Variants in PDS5B observed in about 807,000 individuals in gnomAD.
PDS5B encodes the protein PDS5 cohesin associated factor B.
Under a neutral mutation model 184.1 loss-of-function variants are expected in PDS5B, and 51 were observed. The observed-to-expected ratio is 0.28, with a 90% CI of 0.22 to 0.35. The LOEUF (loss-of-function observed/expected upper bound fraction) is 0.35. Among genes scored for constraint, PDS5B ranks in the 10% least tolerant of loss-of-function variants. PDS5B has a pLI of 1.00. For missense variants in PDS5B, 1,180 were observed against 1,723.3 expected (o/e 0.68, Z 5.58); for synonymous variants, 566 against 569.2 (o/e 0.99, Z 0.08).
At chr13:32,759,030 C>A (rs1287370766) in intron 28 of PDS5B, among the ~76,000 whole-genome samples, 1 of 152,124 alleles carries the variant, frequency 6.6e-6, no homozygotes, top group East Asian at 1.9e-4. Context: ...GACACTAGAA[C>A]ATGCCTAAGA....
chr13:32,657,390 T>TTTC (rs1189433755), intron 3 of PDS5B, among the ~76,000 whole-genome samples: 2 of 152,212 alleles, frequency 1.3e-5, no homozygotes, highest in Non-Finnish European at 2.9e-5. Flanking sequence ...CAACCCCTGC[T>TTTC]TTCTTCTGTT....
chr13:32,601,438 A>G (rs1373624283), intron 1 of PDS5B, among the ~76,000 whole-genome samples: 1 of 152,218 alleles, frequency 6.6e-6, no homozygotes, highest in African/African-American at 2.4e-5. Flanking sequence ...ATTTGATGGA[A>G]AGCTAAGAGC....
intron 13 of PDS5B, among the ~76,000 whole-genome samples, chr13:32,693,503 T>G (rs1402875572): frequency 6.6e-6 from 1 of 151,784 alleles, no homozygotes; most frequent in African/African-American, 2.4e-5. Flanking sequence ...TTTTTGGCAG[T>G]GCTTCATATG....
At chr13:32,645,319 T>C (rs1457790310) in intron 1 of PDS5B, among the ~76,000 whole-genome samples, 3 of 152,208 alleles carry the variant, frequency 2.0e-5, no homozygotes, top group Non-Finnish European at 2.9e-5. Context: ...GTCAGAGTTA[T>C]GCTAATTAGT....
intron 1 of PDS5B, among the ~76,000 whole-genome samples, chr13:32,593,109 AG>A (rs1334304496): frequency 2.0e-5 from 3 of 152,212 alleles, no homozygotes; most frequent in Non-Finnish European, 4.4e-5. Flanking sequence ...AATGTAAATG[AG>A]TAGAGCCATT....
chr13:32,721,799 G>C (rs1020118320), intron 19 of PDS5B, among the ~76,000 whole-genome samples: 9 of 151,684 alleles, frequency 5.9e-5, no homozygotes, highest in African/African-American at 2.2e-4. Context: ...CCAGACAATG[G>C]GCAGCCAGGC....
At chr13:32,760,126 T>G (rs913726184) in intron 29 of PDS5B, among the ~76,000 whole-genome samples, 4 of 152,130 alleles carry the variant, frequency 2.6e-5, no homozygotes, top group African/African-American at 9.7e-5. Context: ...TGGCTAATTT[T>G]TTGTATTTTT....
In PDS5B at chr13:32,775,199, A is replaced by T; in HGVS notation, c.*147A>T. 1 of 673,740 alleles carries T rather than the reference A, an allele frequency of 1.5e-6. No homozygotes were observed. Among genetic ancestry groups the T allele is most frequent in the Non-Finnish European group, 2.5e-6 (1 of 395,826 alleles). 41.7% of individuals were successfully genotyped at this position (673,740 alleles called of 1,614,324 possible). On this transcript the variant is annotated 3_prime_UTR_variant, in exon 35 of 35. Transcript: ENST00000315596. Reference sequence around the variant, plus strand: ...AGTTGGACCTTACTTTGGTGACCCCATACATTTGTGGTCACATGCTTTAGC... The same window carrying T: ...AGTTGGACCTTACTTTGGTGACCCCTTACATTTGTGGTCACATGCTTTAGC...
At chr13:32,745,306 A>G (rs1025793555) in intron 23 of PDS5B, among the ~76,000 whole-genome samples, 2 of 152,238 alleles carry the variant, frequency 1.3e-5, no homozygotes, top group African/African-American at 2.4e-5. Flanking sequence ...CAAAATCCAT[A>G]GTAGAATATG....
chr13:32,692,783 A>G (rs577304973), intron 13 of PDS5B, among the ~76,000 whole-genome samples: 1 of 152,142 alleles, frequency 6.6e-6, no homozygotes, highest in South Asian at 2.1e-4. Flanking sequence ...AATTATTTAT[A>G]AAGGCAATAA....
In PDS5B at chr13:32,648,894, T is replaced by C. The variant is rs771290286; in HGVS notation, c.108+14T>C. Reference sequence around the variant, plus strand: ...AGACGATTAAAGGTGAGTAAAATTCTATTCTTTTTTACATCTGTGTAGGGC... The same window carrying C: ...AGACGATTAAAGGTGAGTAAAATTCCATTCTTTTTTACATCTGTGTAGGGC... On this transcript the variant is annotated intron_variant, in intron 2 of 34. Coordinates refer to ENST00000315596, the MANE Select transcript of PDS5B (RefSeq NM_015032.4). 1 of 1,109,826 alleles carries C rather than the reference T, an allele frequency of 9.0e-7. No individual in the cohort carries two copies. The highest frequency in any genetic ancestry group is 1.2e-5 in the South Asian group (1 of 80,924). 68.7% of individuals were successfully genotyped at this position (1,109,826 alleles called of 1,614,324 possible).
chr13:32,626,491 TTTC>T (rs537634785), intron 1 of PDS5B, among the ~76,000 whole-genome samples: 207 of 152,360 alleles, frequency 1.4e-3, no homozygotes, highest in Non-Finnish European at 2.4e-3. Flanking sequence ...TTGGGAATTT[TTTC>T]TTCTTTAATT....
At chr13:32,763,641 A>G (rs999214594) in intron 30 of PDS5B, 1 of 152,166 alleles carries the variant, frequency 6.6e-6, no homozygotes, top group South Asian at 2.1e-4. Context: ...TTAAGGGTGT[A>G]TCCTGGGCTT....
At chr13:32,659,006 G>A in intron 5 of PDS5B, 148 bp from the exon 6 acceptor site, 1 of 416,074 alleles carries the variant, frequency 2.4e-6, no homozygotes, top group Non-Finnish European at 4.1e-6. Context: ...TGATGTGGGA[G>A]AGAGGGAAGC....
chr13:32,678,916 A>G lies in PDS5B; in HGVS notation c.1044A>G (p.Ala348=). 2 of 1,571,354 alleles carry G rather than the reference A, an allele frequency of 1.3e-6. No homozygotes were observed. Among genetic ancestry groups the G allele is most frequent in the East Asian group, 2.2e-5 (1 of 44,690 alleles). ...SHCLMNHPDL[A]KDLTEYLKVR... is the part of the protein sequence containing the mutation. ...GTCTCATGAACCATCCTGATTTAGC[A>G]AAAGACTTAACAGGTACTATATATA... The change falls in exon 10 of 35, where the codon GCA becomes GCG. Residue 348 remains alanine, a synonymous_variant. Coordinates refer to ENST00000315596, the MANE Select transcript of PDS5B (RefSeq NM_015032.4).
intron 1 of PDS5B, among the ~76,000 whole-genome samples, chr13:32,613,664 A>G (rs1279256884): frequency 6.6e-6 from 1 of 152,172 alleles, no homozygotes; most frequent in Non-Finnish European, 1.5e-5. Context: ...ATGTGTATGA[A>G]TGTTCTCCCA....
chr13:32,770,073 A>G (rs1954725166), intron 31 of PDS5B, 48 bp from the exon 32 acceptor site: 1 of 1,515,656 alleles, frequency 6.6e-7, no homozygotes, highest in Admixed American at 2.2e-5. Context: ...CAAAATATGT[A>G]TACTCACAAT....
chr13:32,647,644 T>G (rs1325023610), intron 1 of PDS5B, among the ~76,000 whole-genome samples: 1 of 152,200 alleles, frequency 6.6e-6, no homozygotes, highest in Non-Finnish European at 1.5e-5. Flanking sequence ...AGTAATTGTA[T>G]TTTTTCATTT....
chr13:32,670,636 T>C (rs980005473), intron 7 of PDS5B, among the ~76,000 whole-genome samples: 5 of 152,200 alleles, frequency 3.3e-5, no homozygotes, highest in African/African-American at 1.2e-4. Flanking sequence ...GAACAAAAAG[T>C]ACATGGTGAT....
Sources: gnomAD v4.1 joint callset for allele counts (sites outside exome capture counted in the v4.1 genomes callset) on GRCh38, gnomAD v4.1.1 for gene constraint, MANE v1.5 for transcripts, NCBI Gene and HGNC (gene_info 2026-07-23, HGNC 2026-07-21) for gene names.